PLAA: variants seen among roughly 807,000 people sequenced by gnomAD.
The protein encoded by PLAA is phospholipase A-2-activating protein.
In PLAA, 48 loss-of-function variants were observed where a neutral mutation model predicts 84.1. The observed-to-expected ratio is 0.57, with a 90% CI of 0.45 to 0.73. The LOEUF (loss-of-function observed/expected upper bound fraction) is 0.73, where lower values mean the gene tolerates loss of function less well. Among genes scored for constraint, PLAA ranks in the 30% least tolerant of loss-of-function variants. The pLI, the probability that PLAA is intolerant of heterozygous loss-of-function variation, is 0.00. For missense variants in PLAA, 903 were observed against 954.7 expected, an observed-to-expected ratio of 0.95 and a Z score of 0.71; for synonymous variants, 392 against 336.6, an observed-to-expected ratio of 1.16 and a Z score of -1.80.
chr9:26,936,862 C>T (rs968075424), intron 1 of PLAA, among the ~76,000 whole-genome samples: 1 of 152,082 alleles, frequency 6.6e-6, no homozygotes, highest in Non-Finnish European at 1.5e-5. Context: ...GATGCCCGGC[C>T]GGGCACAGTG....
chr9:26,913,710 T>C (rs1824463231), intron 11 of PLAA, among the ~76,000 whole-genome samples, 169 bp downstream of exon 11: 1 of 152,184 alleles, frequency 6.6e-6, no homozygotes, highest in South Asian at 2.1e-4. Context: ...TAAAATGTAG[T>C]AATCAGACAA....
chr9:26,926,751 C>G (rs1464484591), intron 4 of PLAA, among the ~76,000 whole-genome samples, 191 bp from the exon 5 acceptor site: 2 of 152,000 alleles, frequency 1.3e-5, no homozygotes, highest in African/African-American at 4.8e-5. Flanking sequence ...TTTTTTATCA[C>G]CAGTCTTCAG....
At chr9:26,939,262 C>A (rs1358973529) in intron 1 of PLAA, among the ~76,000 whole-genome samples, 1 of 151,916 alleles carries the variant, frequency 6.6e-6, no homozygotes, top group East Asian at 1.9e-4. Flanking sequence ...GTGGCAGGGG[C>A]CTGTAGTCCC....
intron 9 of PLAA, among the ~76,000 whole-genome samples, chr9:26,918,104 T>C (rs887923191): frequency 4.0e-5 from 6 of 151,808 alleles, no homozygotes; most frequent in African/African-American, 1.5e-4. Flanking sequence ...CTTTGATAAT[T>C]TTTTTTAAAA....
chr9:26,920,503 A>G (rs1262600614), intron 7 of PLAA, 119 bp from the exon 8 acceptor site: 2 of 573,300 alleles, frequency 3.5e-6, no homozygotes, highest in East Asian at 5.9e-5. Flanking sequence ...TTTGTTTCAA[A>G]ATAAAATTGT....
chr9:26,912,278 A>T (rs1487323178), intron 11 of PLAA, among the ~76,000 whole-genome samples: 1 of 152,252 alleles, frequency 6.6e-6, no homozygotes, highest in East Asian at 1.9e-4. Flanking sequence ...GAAAACAGTG[A>T]GTTCAAAGCT....
intron 1 of PLAA, among the ~76,000 whole-genome samples, chr9:26,935,598 A>C (rs1047914757): frequency 6.6e-6 from 1 of 152,148 alleles, no homozygotes. Context: ...ATTATTAAGA[A>C]GACCTAAATA....
intron 2 of PLAA, among the ~76,000 whole-genome samples, chr9:26,934,608 T>C (rs970911636): frequency 6.6e-6 from 1 of 151,428 alleles, no homozygotes; most frequent in Non-Finnish European, 1.5e-5. Context: ...GCCTCCTGAG[T>C]AGCTGGGATT....
At position 26,919,403 on chromosome 9, in the gene PLAA, T is replaced by A. The variant is rs751605997; in HGVS notation, c.1324A>T (p.Met442Leu). ...AATTTAGCTACTTGATCCAGAAACATAGGATTCAAATCATTCTTCTGTAAG... is the reference window on the plus strand; with the variant it reads ...AATTTAGCTACTTGATCCAGAAACAAAGGATTCAAATCATTCTTCTGTAAG... ...NFLQKNDLNP[M>L]FLDQVAKFII... Residue 442 changes from methionine (M) to leucine (L), a missense_variant, in exon 9 of 14, where the codon ATG (methionine) becomes TTG (leucine). Physicochemically the swap from Met to Leu is conservative, Grantham distance 15. Transcript: ENST00000397292. 1 of 1,612,982 alleles carries A rather than the reference T, an allele frequency of 6.2e-7. No individual in the cohort carries two copies. The highest frequency in any genetic ancestry group is 1.3e-5 in the African/African-American group (1 of 75,032).
rs376504853 is a variant in PLAA at position 26,923,871 on chromosome 9, C to T, written c.870-524G>A. ...TCTTTTCTCAGAAAAATTACTTTATCTCCATGATTTCTTAATTCGAAATTC... is the reference window on the plus strand; with the variant it reads ...TCTTTTCTCAGAAAAATTACTTTATTTCCATGATTTCTTAATTCGAAATTC... On this transcript the variant is annotated intron_variant, in intron 6 of 13. Coordinates refer to ENST00000397292, the MANE Select transcript of PLAA (RefSeq NM_001031689.3). 2.6e-5 allele frequency among the ~76,000 whole-genome samples: 4 copies of T among 152,192 alleles called. No homozygotes were observed. The East Asian group carries it at 7.7e-4, about 29-fold the overall frequency.
chr9:26,920,076 T>C (rs1293172306), intron 8 of PLAA, 151 bp downstream of exon 8: 2 of 605,728 alleles, frequency 3.3e-6, no homozygotes, highest in Non-Finnish European at 5.6e-6. Flanking sequence ...AAAATATCTA[T>C]TTCAAGACAG....
intron 1 of PLAA, among the ~76,000 whole-genome samples, chr9:26,945,867 A>G (rs1198713205): frequency 1.3e-5 from 2 of 151,912 alleles, no homozygotes; most frequent in African/African-American, 2.4e-5. Flanking sequence ...TAAACAAACA[A>G]CTCCTCAGAG....
At position 26,918,174 on chromosome 9, in the gene PLAA, C is replaced by T. The variant is rs891832754; in HGVS notation, c.1418-1009G>A. Among the ~76,000 whole-genome samples, 7 of 151,998 alleles carry T rather than the reference C, an allele frequency of 4.6e-5. No homozygotes were observed. In the East Asian group the frequency reaches 9.6e-4, roughly 21 times the overall value. On this transcript the variant is annotated intron_variant, in intron 9 of 13. Coordinates refer to ENST00000397292, the MANE Select transcript of PLAA (RefSeq NM_001031689.3). ...TCGCCCAGGTTGGAGTGCAATGGTG[C>T]GATCTTGGCTCGCTGCCACCTCTGC...
chr9:26,927,127 C>CTTTTTCTTTTT (rs1554659724), intron 4 of PLAA, among the ~76,000 whole-genome samples: 5 of 136,784 alleles, frequency 3.7e-5, no homozygotes, highest in East Asian at 2.3e-4. Context: ...TTTTGTTTTT[C>CTTTTTCTTTTT]TTTTTTTTTT....
At chr9:26,929,227 T>C (rs948372305) in intron 2 of PLAA, among the ~76,000 whole-genome samples, 2 of 151,448 alleles carry the variant, frequency 1.3e-5, no homozygotes, top group African/African-American at 2.4e-5. Flanking sequence ...AAAAGAAAAA[T>C]TAGCCAGGTG....
chr9:26,929,795 G>A (rs111341553), intron 2 of PLAA, among the ~76,000 whole-genome samples: 180 of 152,294 alleles, frequency 1.2e-3, no homozygotes, highest in Middle Eastern at 0.01. Context: ...CCTCTCTGAT[G>A]TTTAGAATAC....
At chr9:26,920,170 C>T in intron 8 of PLAA, 57 bp downstream of exon 8, 1 of 1,452,050 alleles carries the variant, frequency 6.9e-7, no homozygotes, top group Admixed American at 1.7e-5. Flanking sequence ...GCAAAGGAAA[C>T]CTTTAATTTG....
chr9:26,930,497 A>C (rs1485853348), intron 2 of PLAA, among the ~76,000 whole-genome samples: 1 of 152,162 alleles, frequency 6.6e-6, no homozygotes, highest in Non-Finnish European at 1.5e-5. Context: ...GGTCCCTGAG[A>C]AAATCTGATG....
intron 6 of PLAA, among the ~76,000 whole-genome samples, chr9:26,924,468 G>C (rs1051914907): frequency 6.6e-6 from 1 of 152,090 alleles, no homozygotes; most frequent in African/African-American, 2.4e-5. Context: ...TAGCATTATA[G>C]AGTAGTCTAT....
Sources: gnomAD v4.1 joint callset for allele counts (sites outside exome capture counted in the v4.1 genomes callset) on GRCh38, gnomAD v4.1.1 for gene constraint, MANE v1.5 for transcripts, NCBI Gene and HGNC (gene_info 2026-07-23, HGNC 2026-07-21) for gene names.